The following EAPP variants were observed in gnomAD, a reference collection of about 807,000 sequenced individuals.
The protein encoded by EAPP is E2F-associated phosphoprotein.
A neutral mutation model predicts 34.3 loss-of-function variants in EAPP; 38 were observed. That is an observed-to-expected ratio of 1.11 (90% CI 0.85 to 1.45). The LOEUF is 1.45. Among genes scored for constraint, EAPP ranks in the 40% most tolerant of loss-of-function variants. EAPP has a pLI of 0.00. For missense variants in EAPP, 338 were observed against 343.7 expected, an observed-to-expected ratio of 0.98 and a Z score of 0.13; for synonymous variants, 113 against 117.6, an observed-to-expected ratio of 0.96 and a Z score of 0.25.
intron 3 of EAPP, among the ~76,000 whole-genome samples, chr14:34,532,740 T>C (rs1880338797): frequency 6.6e-6 from 1 of 150,516 alleles, no homozygotes; most frequent in African/African-American, 2.4e-5. Flanking sequence ...AATGATGCGA[T>C]CTCAGCTCAC....
intron 5 of EAPP, among the ~76,000 whole-genome samples, chr14:34,523,710 A>G (rs1391325261): frequency 6.6e-6 from 1 of 151,364 alleles, no homozygotes. Context: ...CTAATTTTTT[A>G]TTTTTTTATT....
chr14:34,522,747 T>C (rs754700998), intron 5 of EAPP, among the ~76,000 whole-genome samples: 2 of 152,138 alleles, frequency 1.3e-5, no homozygotes, highest in African/African-American at 2.4e-5. Flanking sequence ...CCAAAGAGGA[T>C]AGGGATATCC....
At position 34,529,357 on chromosome 14, in the gene EAPP, C is replaced by G. The variant is rs752713025; in HGVS notation, c.470+1G>C. Reference sequence around the variant, plus strand: ...TCTAAATATTAACTTTAAGTTCTTACCCCCTTCTCTGTGCATCAACCCAGG... The same window carrying G: ...TCTAAATATTAACTTTAAGTTCTTAGCCCCTTCTCTGTGCATCAACCCAGG... On this transcript the variant is annotated splice_donor_variant, in intron 4 of 5. Transcript: ENST00000250454. LOFTEE classifies it high-confidence loss of function. 1.7e-5 allele frequency: 26 copies of G among 1,571,562 alleles called. No homozygotes were observed. The highest frequency in any genetic ancestry group is 2.3e-5 in the Non-Finnish European group (26 of 1,146,652).
intron 5 of EAPP, among the ~76,000 whole-genome samples, chr14:34,518,286 T>C (rs1364388235): frequency 6.6e-6 from 1 of 151,466 alleles, no homozygotes; most frequent in African/African-American, 2.4e-5. Context: ...ACTATTATTG[T>C]ATTGCAATAC....
At chr14:34,526,877 T>TAAA (rs55927803) in intron 4 of EAPP, among the ~76,000 whole-genome samples, 2 of 148,862 alleles carry the variant, frequency 1.3e-5, no homozygotes, top group Non-Finnish European at 1.5e-5. Flanking sequence ...GTCTTTAAAT[T>TAAA]AAAAAAAAAA....
At chr14:34,522,740 A>C (rs1879959746) in intron 5 of EAPP, among the ~76,000 whole-genome samples, 1 of 152,102 alleles carries the variant, frequency 6.6e-6, no homozygotes, top group Non-Finnish European at 1.5e-5. Flanking sequence ...GTGGGTCCCA[A>C]AGAGGATAGG....
At chr14:34,536,825 T>G (rs1880494375) in intron 1 of EAPP, among the ~76,000 whole-genome samples, 1 of 152,034 alleles carries the variant, frequency 6.6e-6, no homozygotes, top group Non-Finnish European at 1.5e-5. Context: ...GCGATTCTCC[T>G]GCCTCAGTCT....
At chr14:34,526,858 C>T (rs1880113166) in intron 4 of EAPP, among the ~76,000 whole-genome samples, 1 of 139,932 alleles carries the variant, frequency 7.1e-6, no homozygotes, top group Admixed American at 7.6e-5. Flanking sequence ...GGCAACACAG[C>T]AAGACCCTGT....
chr14:34,523,408 T>C (rs543553178), intron 5 of EAPP, among the ~76,000 whole-genome samples: 87 of 152,094 alleles, frequency 5.7e-4, no homozygotes, highest in African/African-American at 2.0e-3. Context: ...CGGCTAATTT[T>C]TTGTATTTTT....
At chr14:34,532,814 A>G (rs766410514) in intron 3 of EAPP, among the ~76,000 whole-genome samples, 1 of 151,620 alleles carries the variant, frequency 6.6e-6, no homozygotes, top group Non-Finnish European at 1.5e-5. Flanking sequence ...AGCCGGGATT[A>G]CAGGTGCATG....
chr14:34,520,243 T>C (rs562747779), intron 5 of EAPP, among the ~76,000 whole-genome samples: 3 of 149,810 alleles, frequency 2.0e-5, no homozygotes, highest in African/African-American at 7.4e-5. Context: ...AGAGTCTCAC[T>C]CTGTCACTCA....
chr14:34,537,089 A>C (rs944895714), intron 1 of EAPP, among the ~76,000 whole-genome samples: 3 of 151,890 alleles, frequency 2.0e-5, no homozygotes, highest in Non-Finnish European at 4.4e-5. Flanking sequence ...TGGCTCACTG[A>C]AACTTCCGCC....
chr14:34,520,577 C>T (rs1879886464), intron 5 of EAPP, among the ~76,000 whole-genome samples: 1 of 152,134 alleles, frequency 6.6e-6, no homozygotes, highest in Admixed American at 6.6e-5. Context: ...TCTCAGCTCA[C>T]TGCAACCTGT....
At chr14:34,531,434 C>T (rs1880286516) in intron 3 of EAPP, among the ~76,000 whole-genome samples, 1 of 151,848 alleles carries the variant, frequency 6.6e-6, no homozygotes, top group Non-Finnish European at 1.5e-5. Context: ...AACCCCATCT[C>T]TACTAAGAAT....
chr14:34,524,673 G>GTGTGTGTGTGTGTGTA (rs1555319967), intron 5 of EAPP, 24 bp downstream of exon 5: 1 of 1,200,620 alleles, frequency 8.3e-7, no homozygotes, highest in African/African-American at 1.5e-5. Context: ...GTGTGTGTGT[G>GTGTGTGTGTGTGTGTA]TGTGTGTGTC....
intron 3 of EAPP, 113 bp downstream of exon 3, chr14:34,533,331 A>T: frequency 1.2e-6 from 1 of 832,030 alleles, no homozygotes; most frequent in Non-Finnish European, 1.9e-6. Context: ...CACCATGCCT[A>T]GCTGTAATTT....
Position 34,536,161 on chromosome 14 carries a change from C to T in EAPP, c.189G>A (p.Lys63=). Residue 63 remains lysine (K), a synonymous_variant, in exon 2 of 6, where the codon AAG becomes AAA. Transcript: ENST00000250454. ...TAGAATTTAATTCAGCTTCCATCTC[C>T]TTTTCAAATTCATCTTCACTAGATG... is the stretch of plus-strand genomic sequence containing the variant. ...SESSSEDEFE[K]EMEAELNSTM... is the part of the protein sequence containing the mutation. 1 of 1,612,980 alleles carries T rather than the reference C, an allele frequency of 6.2e-7. No homozygotes were observed. Among genetic ancestry groups the T allele is most frequent in the Non-Finnish European group, 8.5e-7 (1 of 1,179,640 alleles).
intron 5 of EAPP, among the ~76,000 whole-genome samples, chr14:34,519,468 G>T (rs1189448766): frequency 6.6e-6 from 1 of 151,780 alleles, no homozygotes; most frequent in African/African-American, 2.4e-5. Flanking sequence ...CTGGGTGGTG[G>T]AGGTTGCAGT....
intron 3 of EAPP, among the ~76,000 whole-genome samples, chr14:34,532,257 A>G (rs1880320846): frequency 6.6e-6 from 1 of 151,994 alleles, no homozygotes; most frequent in South Asian, 2.1e-4. Context: ...CAGGAGTTCA[A>G]GACCAGCCTG....
Sources: gnomAD v4.1 joint callset for allele counts (sites outside exome capture counted in the v4.1 genomes callset) on GRCh38, gnomAD v4.1.1 for gene constraint, MANE v1.5 for transcripts, NCBI Gene and HGNC (gene_info 2026-07-23, HGNC 2026-07-21) for gene names.